The following SNAP25 variants were observed in gnomAD, a reference collection of about 807,000 sequenced individuals.
SNAP25 encodes the protein synaptosome associated protein 25.
SNAP25 carries 3 observed loss-of-function variants against 28.7 expected under a neutral mutation model. The ratio of observed to expected loss-of-function variants is 0.10; its 90% CI spans 0.05 to 0.27. The LOEUF is 0.27. SNAP25 is among the 10% of genes least tolerant of loss of function. SNAP25 has a pLI of 1.00. For missense variants in SNAP25, 117 were observed against 278.7 expected (o/e 0.42, Z 4.13); for synonymous variants, 61 against 88.1 (o/e 0.69, Z 1.72).
In SNAP25 at chr20:10,306,350, C is replaced by G; in HGVS notation, c.*153C>G. On this transcript the variant is annotated 3_prime_UTR_variant, in exon 8 of 8. Coordinates refer to ENST00000254976, the MANE Select transcript of SNAP25 (RefSeq NM_130811.4). ...CCTGTGTCATCTGTCAGCTTCCCAA[C>G]AATACTTTGTGTCTTTTGTTCTCTC... 2 of 628,484 alleles carry G rather than the reference C, an allele frequency of 3.2e-6. No homozygotes were observed. Among genetic ancestry groups the G allele is most frequent in the South Asian group, 4.6e-5 (2 of 43,394 alleles). The allele number at this position is 628,484 out of a possible 1,614,324, so 38.9% of individuals were successfully genotyped here.
intron 1 of SNAP25, among the ~76,000 whole-genome samples, chr20:10,249,746 A>G (rs917624837): frequency 1.3e-5 from 2 of 152,154 alleles, no homozygotes; most frequent in African/African-American, 4.8e-5. Flanking sequence ...GAGCCCAGGA[A>G]TCTGTGTTTT....
In SNAP25 at chr20:10,275,453, C is replaced by A. The variant is rs1214400415; in HGVS notation, c.-39C>A. On this transcript the variant is annotated 5_prime_UTR_variant, in exon 2 of 8. Transcript: ENST00000254976. The stretch of plus-strand genomic sequence containing the variant: ...GGTCCAGAGCCAAACCCGTCACTGA[C>A]CCCCCAGCCCAGGCGCCCAGCCACT... 7 of 1,557,096 alleles carry A rather than the reference C, an allele frequency of 4.5e-6. No individual in the cohort carries two copies. The highest frequency in any genetic ancestry group is 6.1e-6 in the Non-Finnish European group (7 of 1,146,674).
intron 4 of SNAP25, among the ~76,000 whole-genome samples, chr20:10,287,723 A>G (rs1324876883): frequency 3.2e-4 from 49 of 151,278 alleles, no homozygotes; most frequent in East Asian, 1.2e-3. Context: ...TGTTTATTGC[A>G]GCACTATTCA....
intron 1 of SNAP25, among the ~76,000 whole-genome samples, chr20:10,228,633 C>T (rs2062773493): frequency 2.0e-5 from 3 of 152,162 alleles, no homozygotes. Context: ...AACTGAGCCT[C>T]ACTTTTATTT....
chr20:10,279,323 T>C (rs2063743559), intron 3 of SNAP25, among the ~76,000 whole-genome samples: 1 of 152,250 alleles, frequency 6.6e-6, no homozygotes, highest in African/African-American at 2.4e-5. Flanking sequence ...TTTATTTGAT[T>C]GTATATTATT....
At chr20:10,282,720 A>G (rs2063803254) in intron 3 of SNAP25, among the ~76,000 whole-genome samples, 1 of 152,182 alleles carries the variant, frequency 6.6e-6, no homozygotes, top group African/African-American at 2.4e-5. Context: ...CTCGAGGAGA[A>G]AGTGCTCTCC....
intron 1 of SNAP25, among the ~76,000 whole-genome samples, chr20:10,272,692 C>A (rs181506189): frequency 6.6e-6 from 1 of 152,176 alleles, no homozygotes; most frequent in South Asian, 2.1e-4. Context: ...AACACGCATT[C>A]GAAAATTAGC....
intron 1 of SNAP25, among the ~76,000 whole-genome samples, chr20:10,220,772 C>A (rs1600621023): frequency 6.6e-6 from 1 of 152,236 alleles, no homozygotes; most frequent in Non-Finnish European, 1.5e-5. Flanking sequence ...TCATGATCCC[C>A]TTAAAAGACC....
chr20:10,284,093 C>T (rs1324217363), intron 3 of SNAP25, among the ~76,000 whole-genome samples: 1 of 152,028 alleles, frequency 6.6e-6, no homozygotes, highest in Admixed American at 6.6e-5. Flanking sequence ...GAATTAAGAG[C>T]CCTTATTTCT....
intron 1 of SNAP25, among the ~76,000 whole-genome samples, chr20:10,220,625 G>A (rs1045742730): frequency 6.6e-6 from 1 of 152,182 alleles, no homozygotes; most frequent in Non-Finnish European, 1.5e-5. Flanking sequence ...AAGTCATCAG[G>A]GGTATTTCTC....
At chr20:10,261,480 T>C (rs1276827830) in intron 1 of SNAP25, among the ~76,000 whole-genome samples, 1 of 152,214 alleles carries the variant, frequency 6.6e-6, no homozygotes, top group Non-Finnish European at 1.5e-5. Flanking sequence ...GGGTGTGTGA[T>C]CCATCCCCTT....
intron 7 of SNAP25, among the ~76,000 whole-genome samples, chr20:10,303,471 TAATTCTAATGTCCTGAG>T (rs1568632531): frequency 6.6e-6 from 1 of 152,230 alleles, no homozygotes; most frequent in East Asian, 1.9e-4. Context: ...TGAACATGGA[TAATTCTAATGTCCTGAG>T]AATTCACGAT....
chr20:10,265,802 C>G (rs141681216), intron 1 of SNAP25, among the ~76,000 whole-genome samples: 128 of 152,286 alleles, frequency 8.4e-4, no homozygotes, highest in African/African-American at 2.8e-3. Flanking sequence ...TCACACCTAC[C>G]AGCCTAATAT....
intron 1 of SNAP25, among the ~76,000 whole-genome samples, chr20:10,251,989 A>G (rs936087829): frequency 6.6e-6 from 1 of 152,188 alleles, no homozygotes; most frequent in African/African-American, 2.4e-5. Flanking sequence ...CAGGATGAGC[A>G]AAGTTCATAA....
intron 3 of SNAP25, among the ~76,000 whole-genome samples, chr20:10,281,805 C>T (rs903084583): frequency 6.6e-6 from 1 of 152,182 alleles, no homozygotes; most frequent in East Asian, 1.9e-4. Context: ...ATTTCCTGAA[C>T]TCACGGAGGC....
At chr20:10,232,900 G>A (rs908896771) in intron 1 of SNAP25, among the ~76,000 whole-genome samples, 4 of 152,000 alleles carry the variant, frequency 2.6e-5, no homozygotes, top group Admixed American at 2.0e-4. Context: ...CCCCTTTCCC[G>A]CAATAACATC....
At chr20:10,286,893 A>G (rs189143420) in intron 4 of SNAP25, among the ~76,000 whole-genome samples, 51 of 152,172 alleles carry the variant, frequency 3.4e-4, no homozygotes, top group African/African-American at 1.1e-3. Flanking sequence ...AACTCCCCCA[A>G]TGGGTTTGTT....
intron 7 of SNAP25, among the ~76,000 whole-genome samples, chr20:10,300,617 CA>C (rs1470400773): frequency 1.3e-5 from 2 of 152,074 alleles, no homozygotes; most frequent in Non-Finnish European, 2.9e-5. Flanking sequence ...AAGCAACCTC[CA>C]ATGACTTGAA....
chr20:10,268,622 T>G (rs1308648799), intron 1 of SNAP25, among the ~76,000 whole-genome samples: 3 of 152,150 alleles, frequency 2.0e-5, no homozygotes, highest in African/African-American at 7.2e-5. Context: ...AAACTCATAT[T>G]TCAGTTCAGA....
Sources: gnomAD v4.1 joint callset for allele counts (sites outside exome capture counted in the v4.1 genomes callset) on GRCh38, gnomAD v4.1.1 for gene constraint, MANE v1.5 for transcripts, NCBI Gene and HGNC (gene_info 2026-07-23, HGNC 2026-07-21) for gene names.